ST6GALNAC5: variants seen among roughly 807,000 people sequenced by gnomAD.
ST6GALNAC5 encodes the protein ST6 N-acetylgalactosaminide alpha-2,6-sialyltransferase 5.
Under a neutral mutation model 33.6 loss-of-function variants are expected in ST6GALNAC5, and 27 were observed. The ratio of observed to expected loss-of-function variants is 0.80; its 90% CI spans 0.59 to 1.11. The LOEUF (loss-of-function observed/expected upper bound fraction) is 1.11. ST6GALNAC5 is among the 50% of genes least tolerant of loss of function. The probability of loss-of-function intolerance (pLI) is 0.00; values close to 1 mark genes in which losing one functional copy is unlikely to be tolerated. For synonymous variants in ST6GALNAC5, 194 were observed against 171.2 expected, an observed-to-expected ratio of 1.13 and a Z score of -1.04; for missense variants, 428 against 454.0, an observed-to-expected ratio of 0.94 and a Z score of 0.52.
intron 2 of ST6GALNAC5, among the ~76,000 whole-genome samples, chr1:76,981,781 G>T (rs1181034599): frequency 6.6e-6 from 1 of 152,168 alleles, no homozygotes; most frequent in Non-Finnish European, 1.5e-5. Flanking sequence ...CTGGGACAAA[G>T]CTTCCAGAGG....
chr1:76,995,842 A>G (rs1040211810), intron 2 of ST6GALNAC5, among the ~76,000 whole-genome samples: 3 of 152,140 alleles, frequency 2.0e-5, no homozygotes, highest in Non-Finnish European at 4.4e-5. Context: ...GGGGTTTATG[A>G]AGAAAGGGAC....
intron 2 of ST6GALNAC5, among the ~76,000 whole-genome samples, chr1:76,963,784 C>T (rs755423253): frequency 6.6e-5 from 10 of 152,140 alleles, no homozygotes; most frequent in Non-Finnish European, 1.3e-4. Context: ...TAATTTACCA[C>T]GACTTACTAA....
chr1:77,052,484 A>G (rs1652254632), intron 4 of ST6GALNAC5, among the ~76,000 whole-genome samples: 1 of 152,202 alleles, frequency 6.6e-6, no homozygotes, highest in Non-Finnish European at 1.5e-5. Context: ...ATTAAATGAG[A>G]TAATAGATGT....
chr1:76,982,470 A>G (rs946813973), intron 2 of ST6GALNAC5, among the ~76,000 whole-genome samples: 3 of 152,222 alleles, frequency 2.0e-5, no homozygotes, highest in African/African-American at 7.2e-5. Context: ...GAGCAAAAAG[A>G]GTAAAAAGAA....
At position 76,895,159 on chromosome 1, in the gene ST6GALNAC5, T is replaced by C. The variant is rs1209125688; in HGVS notation, c.261+26417T>C. ...TCAGTTAAGGCAGGAACCGGCCATC[T>C]GGATGTGTACGTGCAGGTCACAAGG... On this transcript the variant is annotated intron_variant, in intron 2 of 4. Coordinates refer to ENST00000477717, the MANE Select transcript of ST6GALNAC5 (RefSeq NM_030965.3). Among the ~76,000 whole-genome samples, 3 of 152,340 alleles carry C rather than the reference T, an allele frequency of 2.0e-5. No homozygotes were observed. In the East Asian group the frequency reaches 5.8e-4, roughly 29 times the overall value.
chr1:76,968,042 G>A (rs895804568), intron 2 of ST6GALNAC5, among the ~76,000 whole-genome samples: 19 of 152,146 alleles, frequency 1.2e-4, no homozygotes, highest in Admixed American at 3.9e-4. Context: ...GTGGTGCTGA[G>A]AAGAATGTAT....
intron 2 of ST6GALNAC5, among the ~76,000 whole-genome samples, chr1:77,013,252 A>G (rs1650707835): frequency 6.6e-6 from 1 of 151,954 alleles, no homozygotes; most frequent in African/African-American, 2.4e-5. Flanking sequence ...ATGAAGTCAG[A>G]CTCTGTTTCT....
At chr1:76,958,638 G>A (rs1261668890) in intron 2 of ST6GALNAC5, among the ~76,000 whole-genome samples, 1 of 152,022 alleles carries the variant, frequency 6.6e-6, no homozygotes, top group Non-Finnish European at 1.5e-5. Flanking sequence ...ATAGTAGATG[G>A]CACATTTTGT....
chr1:77,052,624 A>T (rs1403605514), intron 4 of ST6GALNAC5, among the ~76,000 whole-genome samples: 1 of 151,984 alleles, frequency 6.6e-6, no homozygotes, highest in Admixed American at 6.5e-5. Flanking sequence ...TCCCTGAAAG[A>T]TACCAAGAAT....
At chr1:76,962,975 A>G (rs1327687254) in intron 2 of ST6GALNAC5, among the ~76,000 whole-genome samples, 1 of 152,160 alleles carries the variant, frequency 6.6e-6, no homozygotes, top group Non-Finnish European at 1.5e-5. Context: ...TCATATTGGT[A>G]TGGAGATGGA....
chr1:77,049,930 C>T (rs779217567), intron 3 of ST6GALNAC5, among the ~76,000 whole-genome samples: 4 of 152,128 alleles, frequency 2.6e-5, no homozygotes, highest in Non-Finnish European at 4.4e-5. Flanking sequence ...AGTTGTTAAA[C>T]GGGGGCTGTC....
intron 3 of ST6GALNAC5, among the ~76,000 whole-genome samples, chr1:77,045,699 C>T (rs1039546835): frequency 6.6e-6 from 1 of 152,056 alleles, no homozygotes; most frequent in Non-Finnish European, 1.5e-5. Context: ...CCCTGGAGGT[C>T]CAGGGAATCA....
chr1:76,869,622 T>C (rs1477381574), intron 2 of ST6GALNAC5, among the ~76,000 whole-genome samples: 1 of 152,238 alleles, frequency 6.6e-6, no homozygotes, highest in Non-Finnish European at 1.5e-5. Flanking sequence ...TCTTTTTATT[T>C]TACTAAATTT....
intron 2 of ST6GALNAC5, among the ~76,000 whole-genome samples, chr1:76,990,384 G>T (rs1395630993): frequency 6.6e-6 from 1 of 152,192 alleles, no homozygotes; most frequent in Non-Finnish European, 1.5e-5. Context: ...TTCTGAGCAT[G>T]AACTCAAACA....
chr1:76,925,617 C>T (rs946207006), intron 2 of ST6GALNAC5, among the ~76,000 whole-genome samples: 3 of 151,852 alleles, frequency 2.0e-5, no homozygotes, highest in African/African-American at 4.8e-5. Context: ...TGAAGAGAAG[C>T]GATAAGAAGA....
intron 2 of ST6GALNAC5, among the ~76,000 whole-genome samples, chr1:76,999,686 T>A (rs1650069748): frequency 7.2e-6 from 1 of 139,542 alleles, no homozygotes; most frequent in Non-Finnish European, 1.5e-5. Context: ...TTCCCCTTCC[T>A]GTGTCCATGT....
At chr1:76,923,918 C>G (rs1312262544) in intron 2 of ST6GALNAC5, among the ~76,000 whole-genome samples, 1 of 151,932 alleles carries the variant, frequency 6.6e-6, no homozygotes, top group African/African-American at 2.4e-5. Flanking sequence ...ATGGACATTC[C>G]AAAGAAAATA....
chr1:76,905,234 G>A (rs1272360794), intron 2 of ST6GALNAC5, among the ~76,000 whole-genome samples: 1 of 152,144 alleles, frequency 6.6e-6, no homozygotes, highest in Non-Finnish European at 1.5e-5. Flanking sequence ...AAAGGATGAG[G>A]TGGCGGGATA....
chr1:76,920,041 G>T (rs530439926), intron 2 of ST6GALNAC5, among the ~76,000 whole-genome samples: 1 of 152,144 alleles, frequency 6.6e-6, no homozygotes, highest in Admixed American at 6.6e-5. Context: ...AGTGAGAAAT[G>T]ATGTCCTGTA....
Sources: allele counts gnomAD v4.1 joint callset (sites outside exome capture counted in the v4.1 genomes callset), GRCh38; gene constraint gnomAD v4.1.1; transcripts MANE v1.5; gene names NCBI Gene and HGNC (gene_info 2026-07-23, HGNC 2026-07-21).